The following TIAL1 variants were observed in gnomAD, a reference collection of about 807,000 sequenced individuals.
TIAL1 encodes the protein nucleolysin TIAR.
A neutral mutation model predicts 59.7 loss-of-function variants in TIAL1; 7 were observed. The observed-to-expected ratio is 0.12, with a 90% CI of 0.07 to 0.22. TIAL1 has a LOEUF of 0.22. Ranked by LOEUF, TIAL1 falls within the 10% of genes least tolerant of loss-of-function variation. TIAL1 has a pLI of 1.00. For missense variants in TIAL1, 225 were observed against 462.5 expected, an observed-to-expected ratio of 0.49 and a Z score of 4.71; for synonymous variants, 149 against 146.3, an observed-to-expected ratio of 1.02 and a Z score of -0.13.
At chr10:119,583,338 T>C (rs1845387282) in intron 2 of TIAL1, among the ~76,000 whole-genome samples, 1 of 152,118 alleles carries the variant, frequency 6.6e-6, no homozygotes, top group Non-Finnish European at 1.5e-5. Flanking sequence ...ATATAAAAAA[T>C]CTATATTAAA....
At position 119,578,967 on chromosome 10, in the gene TIAL1, C is replaced by T. The variant is rs552726011; in HGVS notation, c.448-133G>A. The T allele has an allele frequency of 1.0e-3, 685 of 661,170 alleles. 2 individuals are homozygous for T. Among genetic ancestry groups the T allele is most frequent in the Non-Finnish European group, 1.6e-3 (617 of 378,284 alleles). 41.0% of individuals were successfully genotyped at this position (661,170 alleles called of 1,614,324 possible). A position where few individuals can be genotyped will look rare whatever the true frequency, so the allele number is the denominator to read the frequency against. On this transcript the variant is annotated intron_variant, in intron 6 of 11. Transcript: ENST00000436547. ...AATTTACTAAATATCCTAAACAAAA[C>T]GAAACTGAACTATTACCAATTAGAA...
At chr10:119,590,211 A>T (rs1845779137) in intron 1 of TIAL1, among the ~76,000 whole-genome samples, 1 of 152,226 alleles carries the variant, frequency 6.6e-6, no homozygotes. Flanking sequence ...AAACTGTTTT[A>T]CGTCCACTAT....
chr10:119,581,577 C>T (rs1486931310), intron 5 of TIAL1, among the ~76,000 whole-genome samples: 2 of 151,994 alleles, frequency 1.3e-5, no homozygotes, highest in Non-Finnish European at 2.9e-5. Flanking sequence ...TTTTGATTAA[C>T]TCATTATCCT....
chr10:119,578,804 C>T lies in TIAL1; in HGVS notation c.478G>A (p.Gly160Ser). The stretch of plus-strand genomic sequence containing the variant: ...ATTTGACGACCACCCAACCACTGAC[C>T]GCCCATATGCACAATCGCATTTTCT... The part of the protein sequence containing the change: ...DAENAIVHMG[G>S]QWLGGRQIRT... The change falls in exon 7 of 12, where the codon GGT becomes AGT. Residue 160 changes from glycine (G) to serine (S), a missense_variant. Gly to Ser is a moderately conservative substitution (Grantham distance 56). Transcript: ENST00000436547. 3 of 1,614,064 alleles carry T rather than the reference C, an allele frequency of 1.9e-6. No individual in the cohort carries two copies. Among genetic ancestry groups the T allele is most frequent in the Non-Finnish European group, 2.5e-6 (3 of 1,180,010 alleles).
At chr10:119,596,335 A>G in intron 1 of TIAL1, 99 bp downstream of exon 1, 1 of 1,368,916 alleles carries the variant, frequency 7.3e-7, no homozygotes. Context: ...GGAGCCGCCT[A>G]GAGTCCCGGC....
chr10:119,585,122 C>CAAAAAAAAAAAAAAAAAAAAAAAA (rs34500092), intron 2 of TIAL1, among the ~76,000 whole-genome samples: 1 of 46,522 alleles, frequency 2.1e-5, no homozygotes, highest in African/African-American at 8.1e-5. Context: ...GATTCCATCT[C>CAAAAAAAAAAAAAAAAAAAAAAAA]AAAAAAAAAA....
chr10:119,579,966 C>G lies in TIAL1; in HGVS notation c.416G>C (p.Gly139Ala). The change falls in exon 6 of 12, where the codon GGC (glycine) becomes GCC (alanine). Residue 139 changes from glycine to alanine, a missense_variant. Coordinates refer to ENST00000436547, the MANE Select transcript of TIAL1 (RefSeq NM_003252.4). Reference protein sequence around the residue: ...VKDMATGKSKGYGFVSFYNKL... With the variant: ...VKDMATGKSKAYGFVSFYNKL... The stretch of plus-strand genomic sequence containing the variant: ...GTTATAAAAAGATACAAAACCATAG[C>G]CTTTGGATTTTCCAGTTGCCATGTC... 1 of 1,610,800 alleles carries G rather than the reference C, an allele frequency of 6.2e-7. No individual in the cohort carries two copies. The highest frequency in any genetic ancestry group is 8.5e-7 in the Non-Finnish European group (1 of 1,178,606).
Position 119,582,334 on chromosome 10 carries a change from C to G in TIAL1, c.229-111G>C. The G allele has an allele frequency of 6.8e-7, 1 of 1,472,000 alleles. No homozygotes were observed. Among genetic ancestry groups the G allele is most frequent in the Non-Finnish European group, 9.1e-7 (1 of 1,095,930 alleles). The allele number at this position is 1,472,000 out of a possible 1,614,324, so 91.2% of individuals were successfully genotyped here. A position where few individuals can be genotyped will look rare whatever the true frequency, so the allele number is the denominator to read the frequency against. Reference sequence around the variant, plus strand: ...GGGTTATTTTTGTAAAAGCACTAAGCTGAATAAAGCAAAACCATCACTCAG... The same window carrying G: ...GGGTTATTTTTGTAAAAGCACTAAGGTGAATAAAGCAAAACCATCACTCAG... On this transcript the variant is annotated intron_variant, in intron 3 of 11. Transcript: ENST00000436547. This position sits in a 1 kb window ranked among gnomAD's most constrained non-coding sequence, Gnocchi z 5.1.
At chr10:119,589,879 T>A (rs1026602603) in intron 1 of TIAL1, among the ~76,000 whole-genome samples, 1 of 152,224 alleles carries the variant, frequency 6.6e-6, no homozygotes, top group Non-Finnish European at 1.5e-5. Flanking sequence ...CTGTAAAATT[T>A]AACAAAGTTC....
chr10:119,595,009 C>G (rs1489291819), intron 1 of TIAL1, among the ~76,000 whole-genome samples: 1 of 152,176 alleles, frequency 6.6e-6, no homozygotes, highest in Non-Finnish European at 1.5e-5. Context: ...CAAAGACGTT[C>G]TATTAAGCAG....
intron 2 of TIAL1, among the ~76,000 whole-genome samples, chr10:119,586,005 G>A (rs1190854253): frequency 4.6e-5 from 7 of 152,086 alleles, no homozygotes; most frequent in African/African-American, 9.7e-5. Flanking sequence ...AGACCTCACG[G>A]CCTCTGTGCT....
chr10:119,582,712 G>A lies in TIAL1; in HGVS notation c.130-155C>T. ...TAACACTTTTTAAATAAGATTTAAA[G>A]CTAAACCTGACTTTGCACCTCAGAA... On this transcript the variant is annotated intron_variant, in intron 2 of 11. Transcript: ENST00000436547. This position sits in a 1 kb window ranked among gnomAD's most constrained non-coding sequence, Gnocchi z 5.1. 1 of 1,243,262 alleles carries A rather than the reference G, an allele frequency of 8.0e-7. No homozygotes were observed. The allele number at this position is 1,243,262 out of a possible 1,614,324, so 77.0% of individuals were successfully genotyped here.
rs1168336112 is a variant in TIAL1 at position 119,578,901 on chromosome 10, T to G, written c.448-67A>C. On this transcript the variant is annotated intron_variant, in intron 6 of 11. Coordinates refer to ENST00000436547, the MANE Select transcript of TIAL1 (RefSeq NM_003252.4). ...ATAAATAAGACTCTGTAAGATGAAA[T>G]AAAATATCGGCGCTGCTGGTTCCAT... is the stretch of plus-strand genomic sequence containing the variant. 7 of 1,233,846 alleles carry G rather than the reference T, an allele frequency of 5.7e-6. No homozygotes were observed. The Admixed American group carries it at 1.1e-4, about 20-fold the overall frequency. 76.4% of individuals were successfully genotyped at this position (1,233,846 alleles called of 1,614,324 possible).
rs1589856262 is a variant in TIAL1 at position 119,574,579 on chromosome 10, T to C, written c.*1086A>G. ...ATCAAGGTATTTACATACCAAGTAA[T>C]GTAAAGCAAAAAAAAAAAAAAAAAA... On this transcript the variant is annotated 3_prime_UTR_variant, in exon 12 of 12. Coordinates refer to ENST00000436547, the MANE Select transcript of TIAL1 (RefSeq NM_003252.4). 1.7e-5 allele frequency: 1 copy of C among 60,064 alleles called. No homozygotes were observed. Among genetic ancestry groups the C allele is most frequent in the African/African-American group, 6.5e-5 (1 of 15,364 alleles). The allele number at this position is 60,064 out of a possible 1,614,324, so 3.7% of individuals were successfully genotyped here.
intron 2 of TIAL1, among the ~76,000 whole-genome samples, chr10:119,587,150 C>T (rs11199029): frequency 0.26 from 39,358 of 152,078 alleles, 5,641 homozygotes; most frequent in East Asian, 0.6. Flanking sequence ...AACAGTTCTC[C>T]GTTTCAGGAT....
rs901909091 is a variant in TIAL1, at chr10:119,578,893, A to C, written c.448-59T>G. 1.8e-5 allele frequency: 23 copies of C among 1,302,758 alleles called. No homozygotes were observed. The African/African-American group carries it at 3.2e-4, about 18-fold the overall frequency. The allele number at this position is 1,302,758 out of a possible 1,614,324, so 80.7% of individuals were successfully genotyped here. A position where few individuals can be genotyped will look rare whatever the true frequency, so the allele number is the denominator to read the frequency against. On this transcript the variant is annotated intron_variant, in intron 6 of 11. Coordinates refer to ENST00000436547, the MANE Select transcript of TIAL1 (RefSeq NM_003252.4). ...AAAGAGTGATAAATAAGACTCTGTA[A>C]GATGAAATAAAATATCGGCGCTGCT...
In TIAL1 at chr10:119,580,042, G is replaced by GT. The variant is rs751460077; in HGVS notation, c.372-33dup. Reference sequence around the variant, plus strand: ...AAAGAAGCACAGCTAAATGAGGGAAGTAAGAGCCACCCTCAAAATAAAAAC... The same window carrying GT: ...AAAGAAGCACAGCTAAATGAGGGAAGTTAAGAGCCACCCTCAAAATAAAAAC... On this transcript the variant is annotated intron_variant, in intron 5 of 11. Transcript: ENST00000436547. 3 of 1,546,530 alleles carry GT rather than the reference G, an allele frequency of 1.9e-6. No homozygotes were observed. The South Asian group carries it at 3.5e-5, about 18-fold the overall frequency.
rs752105197 is a variant in TIAL1, at chr10:119,588,267, C to G, written c.33-19G>C. ...TACGTATCTGCACAAGAAAAAAATA[C>G]GTTATCAGCAATTTTTCCTTTAGCT... On this transcript the variant is annotated intron_variant, in intron 1 of 11. Transcript: ENST00000436547. The G allele has an allele frequency of 1.0e-5, 15 of 1,490,600 alleles. No individual in the cohort carries two copies. The highest frequency in any genetic ancestry group is 1.4e-5 in the African/African-American group (1 of 71,176). 92.3% of individuals were successfully genotyped at this position (1,490,600 alleles called of 1,614,324 possible).
chr10:119,577,089 G>A lies in TIAL1; in HGVS notation c.852C>T (p.Asn284=). 1 of 1,613,662 alleles carries A rather than the reference G, an allele frequency of 6.2e-7. No individual in the cohort carries two copies. Among genetic ancestry groups the A allele is most frequent in the African/African-American group, 1.3e-5 (1 of 75,042 alleles). Reference sequence around the variant, plus strand: ...TGAAAAATCGAATTACCTGTTGGAAGTTTTTAGTCATATCAGGAGATTCTT... The same window carrying A: ...TGAAAAATCGAATTACCTGTTGGAAATTTTTAGTCATATCAGGAGATTCTT... ...WGKESPDMTK[N]FQQVDYSQWG... Residue 284 remains asparagine, a synonymous_variant, in exon 10 of 12, where the codon AAC becomes AAT. Transcript: ENST00000436547.
Sources: gnomAD v4.1 joint callset for allele counts (sites outside exome capture counted in the v4.1 genomes callset) on GRCh38, gnomAD v4.1.1 for gene constraint, Gnocchi (gnomAD v3.1) non-coding constraint, MANE v1.5 for transcripts, NCBI Gene and HGNC (gene_info 2026-07-23, HGNC 2026-07-21) for gene names.